The following ATG7 variants were observed in gnomAD, a reference collection of about 807,000 sequenced individuals.
ATG7 encodes the protein ubiquitin-like modifier-activating enzyme ATG7.
Under a neutral mutation model 82.4 loss-of-function variants are expected in ATG7, and 70 were observed. The observed-to-expected ratio is 0.85, with a 90% CI of 0.70 to 1.04. ATG7 has a LOEUF of 1.04. Ranked by LOEUF, ATG7 falls within the 50% of genes least tolerant of loss-of-function variation. ATG7 has a pLI of 0.00. For synonymous variants in ATG7, 287 were observed against 313.0 expected, an observed-to-expected ratio of 0.92 and a Z score of 0.88; for missense variants, 792 against 864.3, an observed-to-expected ratio of 0.92 and a Z score of 1.05.
chr3:11,323,962 G>T (rs1405147229), intron 9 of ATG7, among the ~76,000 whole-genome samples: 4 of 152,208 alleles, frequency 2.6e-5, no homozygotes, highest in Non-Finnish European at 5.9e-5. Context: ...TCTTGCTGAA[G>T]ACAAGCAAGT....
chr3:11,320,243 T>G (rs1358904502), intron 9 of ATG7, among the ~76,000 whole-genome samples: 1 of 151,884 alleles, frequency 6.6e-6, no homozygotes, highest in Non-Finnish European at 1.5e-5. Context: ...TATAAAAAGG[T>G]TTATTCCTTC....
intron 20 of ATG7, among the ~76,000 whole-genome samples, chr3:11,535,171 A>G (rs936061442): frequency 1.6e-4 from 24 of 152,218 alleles, no homozygotes; most frequent in African/African-American, 5.5e-4. Flanking sequence ...CGGGGCCTGG[A>G]CCCGGGCCAT....
the ATG7 span, among the ~76,000 whole-genome samples, chr3:11,566,377 A>G: frequency 1.3e-5 from 2 of 152,336 alleles, no homozygotes; most frequent in East Asian, 3.9e-4. Flanking sequence ...CAATATCACA[A>G]CCAGGATATC....
At chr3:11,549,896 C>T (rs997473077) in intron 20 of ATG7, among the ~76,000 whole-genome samples, 14 of 152,202 alleles carry the variant, frequency 9.2e-5, no homozygotes, top group Admixed American at 7.9e-4. Flanking sequence ...CATCGGGCAT[C>T]GCTGGCCTTT....
chr3:11,299,217 A>G, intron 4 of ATG7, 145 bp from the exon 5 acceptor site: 1 of 716,660 alleles, frequency 1.4e-6, no homozygotes, highest in East Asian at 2.6e-5. Flanking sequence ...ATCCATACAT[A>G]TATTATCTAT....
intron 7 of ATG7, among the ~76,000 whole-genome samples, chr3:11,310,566 A>T (rs987267816): frequency 1.5e-4 from 23 of 151,454 alleles, no homozygotes; most frequent in Non-Finnish European, 2.9e-4. Context: ...AAATGTTTAA[A>T]TTTTTTGTCT....
intron 19 of ATG7, among the ~76,000 whole-genome samples, chr3:11,418,268 C>CT (rs1348565710): frequency 1.8e-5 from 2 of 111,246 alleles, no homozygotes; most frequent in Admixed American, 8.7e-5. Flanking sequence ...CCATACCTGG[C>CT]TATTTTTTTT....
At chr3:11,504,854 C>T (rs925074688) in intron 20 of ATG7, among the ~76,000 whole-genome samples, 5 of 151,976 alleles carry the variant, frequency 3.3e-5, no homozygotes, top group Non-Finnish European at 7.4e-5. Context: ...TAGATCTAAC[C>T]AAAATTATAG....
chr3:11,348,901 A>G (rs2084466), intron 14 of ATG7, among the ~76,000 whole-genome samples: 79,862 of 151,938 alleles, frequency 0.53, 21,994 homozygotes, highest in Non-Finnish European at 0.63. Flanking sequence ...TTAGCTAGAC[A>G]TAGAGCGCTG....
intron 9 of ATG7, 107 bp downstream of exon 9, chr3:11,315,600 C>A: frequency 9.9e-7 from 1 of 1,009,756 alleles, no homozygotes; most frequent in Non-Finnish European, 1.4e-6. Context: ...ATTTCCTTAG[C>A]CTTCAAAGGA....
At chr3:11,509,100 C>T (rs1166978795) in intron 20 of ATG7, among the ~76,000 whole-genome samples, 1 of 152,170 alleles carries the variant, frequency 6.6e-6, no homozygotes, top group Non-Finnish European at 1.5e-5. Flanking sequence ...TACCTTAACT[C>T]TTCTTATTTT....
chr3:11,544,844 C>G (rs1248908347), intron 20 of ATG7, among the ~76,000 whole-genome samples: 1 of 152,236 alleles, frequency 6.6e-6, no homozygotes, highest in Non-Finnish European at 1.5e-5. Flanking sequence ...AGGCTCTGAG[C>G]CGGGGCTGGG....
At chr3:11,286,615 G>T (rs1187244154) in intron 3 of ATG7, among the ~76,000 whole-genome samples, 2 of 116,394 alleles carry the variant, frequency 1.7e-5, no homozygotes, top group Non-Finnish European at 3.3e-5. Context: ...TTTTGAGACA[G>T]GGTCTGGCTC....
At chr3:11,446,119 A>G (rs1321264416) in intron 20 of ATG7, among the ~76,000 whole-genome samples, 2 of 151,388 alleles carry the variant, frequency 1.3e-5, no homozygotes, top group Non-Finnish European at 2.9e-5. Context: ...TCTGGCCCTC[A>G]GCATCCTCAT....
At chr3:11,447,321 G>T (rs1427332137) in intron 20 of ATG7, among the ~76,000 whole-genome samples, 1 of 151,988 alleles carries the variant, frequency 6.6e-6, no homozygotes, top group African/African-American at 2.4e-5. Flanking sequence ...GAAAAAATTA[G>T]CCTGGTGTGG....
chr3:11,494,108 A>G (rs1453595884), intron 20 of ATG7, among the ~76,000 whole-genome samples: 1 of 152,212 alleles, frequency 6.6e-6, no homozygotes, highest in African/African-American at 2.4e-5. Context: ...CACTGAGACA[A>G]TGACTGTTGC....
intron 20 of ATG7, among the ~76,000 whole-genome samples, chr3:11,553,584 C>T (rs771587463): frequency 1.9e-4 from 29 of 152,262 alleles, no homozygotes; most frequent in Middle Eastern, 3.4e-3. Context: ...AGGATGAGCT[C>T]GGTGGGGACC....
chr3:11,418,474 G>T (rs562205872), intron 19 of ATG7, among the ~76,000 whole-genome samples: 1 of 152,046 alleles, frequency 6.6e-6, no homozygotes, highest in South Asian at 2.1e-4. Context: ...GATTTTTCTC[G>T]AGTATTTACT....
intron 19 of ATG7, among the ~76,000 whole-genome samples, chr3:11,407,794 A>C (rs550855988): frequency 6.6e-6 from 1 of 152,298 alleles, no homozygotes; most frequent in African/African-American, 2.4e-5. Flanking sequence ...TCTGGGATGC[A>C]GGGCACCAAG....
Sources: gnomAD v4.1 joint callset for allele counts (sites outside exome capture counted in the v4.1 genomes callset) on GRCh38, gnomAD v4.1.1 for gene constraint, MANE v1.5 for transcripts, NCBI Gene and HGNC (gene_info 2026-07-23, HGNC 2026-07-21) for gene names.